Variants in PCDHAC1 observed in about 807,000 individuals in gnomAD.
PCDHAC1 encodes the protein protocadherin alpha subfamily C, 1.
A neutral mutation model predicts 60.0 loss-of-function variants in PCDHAC1; 42 were observed. That is an observed-to-expected ratio of 0.70 (90% CI 0.55 to 0.90). The LOEUF is 0.90. PCDHAC1 is among the 40% of genes least tolerant of loss of function. The pLI, the probability that PCDHAC1 is intolerant of heterozygous loss-of-function variation, is 0.00. For missense variants in PCDHAC1, 1,160 were observed against 1,222.3 expected, an observed-to-expected ratio of 0.95 and a Z score of 0.76; for synonymous variants, 468 against 499.3, an observed-to-expected ratio of 0.94 and a Z score of 0.84.
intron 3 of PCDHAC1, among the ~76,000 whole-genome samples, chr5:140,984,877 C>A (rs1178230954): frequency 1.3e-5 from 2 of 151,944 alleles, no homozygotes; most frequent in Non-Finnish European, 2.9e-5. Flanking sequence ...TATTGAGTTA[C>A]CATGAGAACT....
intron 3 of PCDHAC1, among the ~76,000 whole-genome samples, chr5:140,987,604 T>G (rs2097261353): frequency 6.6e-6 from 1 of 152,222 alleles, no homozygotes; most frequent in Admixed American, 6.5e-5. Context: ...GTCTACCTTA[T>G]AGGGTTCTTG....
rs199714982 is a variant in PCDHAC1, at chr5:140,967,252, G to T, written c.2434-11697G>T. On this transcript the variant is annotated intron_variant, in intron 1 of 3. Coordinates refer to ENST00000253807, the MANE Select transcript of PCDHAC1 (RefSeq NM_018898.5). ...AGCTTCAGGTAAGCGAATCGGTGGC[G>T]CCTGGAGCGCGCTTTCACATAGAGA... 6.0e-5 allele frequency: 97 copies of T among 1,613,386 alleles called. 1 individual carries two copies. Among genetic ancestry groups the T allele is most frequent in the Non-Finnish European group, 8.0e-5 (94 of 1,179,870 alleles).
chr5:140,993,001 TC>T (rs1554253322), intron 3 of PCDHAC1, among the ~76,000 whole-genome samples: 4 of 152,124 alleles, frequency 2.6e-5, no homozygotes, highest in Admixed American at 2.6e-4. Context: ...TGAAAGAGCC[TC>T]CCCAGAGTCC....
chr5:140,984,359 T>A (rs1372089743), intron 3 of PCDHAC1, among the ~76,000 whole-genome samples: 1 of 152,242 alleles, frequency 6.6e-6, no homozygotes, highest in Non-Finnish European at 1.5e-5. Flanking sequence ...ATTTCATACA[T>A]CTGGCCAAGT....
intron 1 of PCDHAC1, among the ~76,000 whole-genome samples, chr5:140,975,697 AT>A (rs1375810410): frequency 1.3e-5 from 2 of 152,182 alleles, no homozygotes; most frequent in African/African-American, 4.8e-5. Flanking sequence ...TTTTAAACTT[AT>A]TTTACTTTAA....
chr5:140,966,731 G>T, intron 1 of PCDHAC1: 8 of 1,405,136 alleles, frequency 5.7e-6, no homozygotes, highest in Non-Finnish European at 7.4e-6. Context: ...TGCCGCCTCC[G>T]GCCCTGCCCG....
At chr5:140,964,783 A>C (rs2095854085) in intron 1 of PCDHAC1, among the ~76,000 whole-genome samples, 1 of 152,018 alleles carries the variant, frequency 6.6e-6, no homozygotes, top group East Asian at 1.9e-4. Context: ...AAGAGGAAGA[A>C]GCCAGAGACC....
chr5:140,947,347 G>A (rs1554218167), intron 1 of PCDHAC1, among the ~76,000 whole-genome samples: 1 of 151,534 alleles, frequency 6.6e-6, no homozygotes, highest in Non-Finnish European at 1.5e-5. Context: ...CTTAATTCTG[G>A]ACTCTATTTC....
chr5:140,952,608 C>T (rs2153696668), intron 1 of PCDHAC1, among the ~76,000 whole-genome samples: 1 of 152,282 alleles, frequency 6.6e-6, no homozygotes, highest in Non-Finnish European at 1.5e-5. Flanking sequence ...TCTAAGCTCT[C>T]CCTCATCTTC....
chr5:141,002,879 A>G (rs2098100373), intron 3 of PCDHAC1, among the ~76,000 whole-genome samples: 1 of 152,228 alleles, frequency 6.6e-6, no homozygotes, highest in Non-Finnish European at 1.5e-5. Flanking sequence ...TCAAGAACAG[A>G]AAGAGAACAA....
rs545348313 is a variant in PCDHAC1, at chr5:140,968,526, C to T, written c.2434-10423C>T. ...ATTCTGTACCCTACCTCAACCAACTCGTCAGCAGCCTTCGAGATGGTGCCT... is the reference window on the plus strand; with the variant it reads ...ATTCTGTACCCTACCTCAACCAACTTGTCAGCAGCCTTCGAGATGGTGCCT... On this transcript the variant is annotated intron_variant, in intron 1 of 3. Transcript: ENST00000253807. 9.9e-6 allele frequency: 16 copies of T among 1,614,200 alleles called. No individual in the cohort carries two copies. The Admixed American group carries it at 1.3e-4, about 13-fold the overall frequency.
rs555659207 is a variant in PCDHAC1, at chr5:140,967,475, C to A, written c.2434-11474C>A. 2.5e-6 allele frequency: 4 copies of A among 1,613,342 alleles called. No homozygotes were observed. In the East Asian group the frequency reaches 8.9e-5, roughly 36 times the overall value. On this transcript the variant is annotated intron_variant, in intron 1 of 3. Coordinates refer to ENST00000253807, the MANE Select transcript of PCDHAC1 (RefSeq NM_018898.5). ...AGCCGTGGATGGGGGCATCCCAGCC[C>A]GCTCGGGTACGGCACAGATCTCTGT...
In PCDHAC1 at chr5:140,927,191, T is replaced by C; in HGVS notation, c.299T>C (p.Val100Ala). The change falls in exon 1 of 4, where the codon GTG becomes GCG. Residue 100 changes from valine (V) to alanine (A), a missense_variant. Physicochemically the swap from Val to Ala is moderately conservative, Grantham distance 64. Transcript: ENST00000253807. The stretch of plus-strand genomic sequence containing the variant: ...GCCTGCGTCTTGACCTACGACCTGG[T>C]GCTCGAGGACCCGCTGGAGCTGCAC... ...KAACVLTYDL[V>A]LEDPLELHKI... The C allele has an allele frequency of 9.9e-6, 16 of 1,614,144 alleles. No homozygotes were observed. The highest frequency in any genetic ancestry group is 1.4e-5 in the Non-Finnish European group (16 of 1,180,024).
intron 1 of PCDHAC1, among the ~76,000 whole-genome samples, chr5:140,960,271 CA>C (rs1193468231): frequency 2.0e-5 from 3 of 152,182 alleles, no homozygotes; most frequent in Non-Finnish European, 4.4e-5. Flanking sequence ...TAAATTCCGT[CA>C]CCTTTTTGGG....
rs782335969 is a variant in PCDHAC1 at position 140,929,291 on chromosome 5, A to G, written c.2399A>G (p.Asn800Ser). The G allele has an allele frequency of 1.2e-5, 19 of 1,596,972 alleles. No individual in the cohort carries two copies. The highest frequency in any genetic ancestry group is 1.6e-5 in the Non-Finnish European group (19 of 1,168,536). The change falls in exon 1 of 4, where the codon AAT becomes AGT. Residue 800 changes from asparagine (N) to serine (S), a missense_variant. Physicochemically the swap from Asn to Ser is conservative, Grantham distance 46. Around this residue, in one of 3 missense-constraint regions of PCDHAC1, gnomAD observed 1,113 missense variants for 1,163.7 expected, o/e 0.96. Transcript: ENST00000253807. ...CCAATATCCTGTATTCAGATTCGGA[A>G]TAGGAAAGGGGATCACGCTAATGTC... Reference protein sequence around the residue: ...NLPISCIQIRNRKGDHANVNA... With the variant: ...NLPISCIQIRSRKGDHANVNA...
At chr5:140,962,747 G>A (rs1385433172) in intron 1 of PCDHAC1, among the ~76,000 whole-genome samples, 1 of 152,142 alleles carries the variant, frequency 6.6e-6, no homozygotes, top group Non-Finnish European at 1.5e-5. Flanking sequence ...ATGAAGATCA[G>A]GAATCCTATT....
chr5:140,965,654 G>A (rs1194762396), intron 1 of PCDHAC1, among the ~76,000 whole-genome samples: 5 of 152,150 alleles, frequency 3.3e-5, no homozygotes, highest in Non-Finnish European at 7.4e-5. Flanking sequence ...GAAAGAAAAT[G>A]TCTTGGGTGA....
At chr5:140,931,853 G>A (rs2087796602) in intron 1 of PCDHAC1, among the ~76,000 whole-genome samples, 1 of 151,744 alleles carries the variant, frequency 6.6e-6, no homozygotes, top group African/African-American at 2.4e-5. Context: ...ATAACAACAG[G>A]ATTCTAGAAA....
chr5:140,966,645 C>T (rs369620766), intron 1 of PCDHAC1: 7 of 1,125,658 alleles, frequency 6.2e-6, no homozygotes, highest in Non-Finnish European at 8.2e-6. Flanking sequence ...CTTTCTAGAG[C>T]GTGAGCGGTG....
Sources: gnomAD v4.1 joint callset for allele counts (sites outside exome capture counted in the v4.1 genomes callset) on GRCh38, gnomAD v4.1.1 for gene constraint, gnomAD v4.1.1 regional missense constraint, MANE v1.5 for transcripts, NCBI Gene and HGNC (gene_info 2026-07-23, HGNC 2026-07-21) for gene names.